Variants in NYAP2 observed in about 807,000 individuals in gnomAD.
NYAP2 encodes neuronal tyrosine-phosphorylated phosphoinositide-3-kinase adapter 2.
In NYAP2, 23 loss-of-function variants were observed where a neutral mutation model predicts 50.4. That is an observed-to-expected ratio of 0.46 (90% confidence interval 0.33 to 0.65). NYAP2 has a LOEUF of 0.65. NYAP2 is among the 30% of genes least tolerant of loss of function. The pLI, the probability that NYAP2 is intolerant of heterozygous loss-of-function variation, is 0.02. For missense variants in NYAP2, 885 were observed against 861.0 expected (o/e 1.03, Z -0.35); for synonymous variants, 394 against 365.2 (o/e 1.08, Z -0.90).
At chr2:225,670,572 T>C in the NYAP2 span, among the ~76,000 whole-genome samples, 2 of 147,356 alleles carry the variant, frequency 1.4e-5, no homozygotes, top group Non-Finnish European at 3.0e-5. Flanking sequence ...CATTAGTTTA[T>C]GTCCTTCCTG....
intron 4 of NYAP2, among the ~76,000 whole-genome samples, chr2:225,561,857 C>T (rs538545410): frequency 7.2e-5 from 11 of 151,800 alleles, no homozygotes; most frequent in African/African-American, 1.9e-4. Flanking sequence ...ATCATGTGCT[C>T]ATCTGGATGG....
chr2:225,538,962 A>C (rs561557677), intron 4 of NYAP2, among the ~76,000 whole-genome samples: 2 of 151,802 alleles, frequency 1.3e-5, no homozygotes, highest in Non-Finnish European at 2.9e-5. Context: ...CGTCATCTAC[A>C]TTAGATATTT....
the NYAP2 span, among the ~76,000 whole-genome samples, chr2:225,693,735 T>C: frequency 6.6e-6 from 1 of 151,986 alleles, no homozygotes; most frequent in Non-Finnish European, 1.5e-5. Context: ...CCCAATCACC[T>C]TGAGGAGGTC....
At chr2:225,437,697 T>C (rs560865260) in intron 3 of NYAP2, among the ~76,000 whole-genome samples, 13 of 152,354 alleles carry the variant, frequency 8.5e-5, no homozygotes, top group African/African-American at 3.1e-4. Flanking sequence ...CAGTGGGCTA[T>C]GTGCTTCACG....
intron 6 of NYAP2, among the ~76,000 whole-genome samples, chr2:225,642,355 A>AT (rs565643695): frequency 8.6e-4 from 131 of 152,272 alleles, no homozygotes; most frequent in African/African-American, 3.0e-3. Flanking sequence ...ATTTCTTGAG[A>AT]TTTTAGTACA....
At chr2:225,511,457 C>T in intron 3 of NYAP2, among the ~76,000 whole-genome samples, 1 of 151,802 alleles carries the variant, frequency 6.6e-6, no homozygotes, top group East Asian at 1.9e-4. Flanking sequence ...CAACACTGCC[C>T]CTTAGCCATC....
chr2:225,656,116 T>C (rs1381391784), downstream of NYAP2, among the ~76,000 whole-genome samples: 1 of 152,186 alleles, frequency 6.6e-6, no homozygotes, highest in Non-Finnish European at 1.5e-5. Flanking sequence ...TGATCATCCT[T>C]GATTTGGGGG....
At position 225,587,557 on chromosome 2, in the gene NYAP2, T is replaced by C. The variant is rs958583553; in HGVS notation, c.1618+4522T>C. Reference sequence around the variant, plus strand: ...TAACAGGACTTGATCCTGCCAGAACTTTTGGAATCTTCCTCATGGTATCCT... The same window carrying C: ...TAACAGGACTTGATCCTGCCAGAACCTTTGGAATCTTCCTCATGGTATCCT... On this transcript the variant is annotated intron_variant, in intron 5 of 6. Transcript: ENST00000636099. Among the ~76,000 whole-genome samples the C allele has an allele frequency of 1.1e-4, 16 of 152,284 alleles. No homozygotes were observed. In the South Asian group the frequency reaches 1.9e-3, roughly 18 times the overall value.
chr2:225,428,599 G>A (rs917464436), intron 3 of NYAP2, among the ~76,000 whole-genome samples: 1 of 152,182 alleles, frequency 6.6e-6, no homozygotes, highest in Admixed American at 6.5e-5. Flanking sequence ...GATTTGGCCT[G>A]CAGTTCATAG....
intron 3 of NYAP2, among the ~76,000 whole-genome samples, chr2:225,474,241 C>T (rs957430074): frequency 3.9e-4 from 59 of 152,162 alleles, no homozygotes; most frequent in African/African-American, 1.2e-3. Context: ...AGTCAGGTAG[C>T]GTGATGCCTC....
At chr2:225,536,737 A>G (rs1294846227) in intron 4 of NYAP2, among the ~76,000 whole-genome samples, 1 of 151,376 alleles carries the variant, frequency 6.6e-6, no homozygotes, top group Non-Finnish European at 1.5e-5. Context: ...TCATCCTATT[A>G]TGCTGTCAAG....
At chr2:225,693,781 C>T in the NYAP2 span, among the ~76,000 whole-genome samples, 1 of 151,952 alleles carries the variant, frequency 6.6e-6, no homozygotes, top group African/African-American at 2.4e-5. Flanking sequence ...AGGTCAGGAT[C>T]CCAACATAAG....
chr2:225,552,759 C>T (rs1464977383), intron 4 of NYAP2, among the ~76,000 whole-genome samples: 2 of 152,168 alleles, frequency 1.3e-5, no homozygotes, highest in African/African-American at 4.8e-5. Context: ...GGCGTGATCT[C>T]GGCTCACAGC....
At chr2:225,675,979 T>C in the NYAP2 span, among the ~76,000 whole-genome samples, 1 of 152,104 alleles carries the variant, frequency 6.6e-6, no homozygotes, top group Non-Finnish European at 1.5e-5. Context: ...TTTGCTTATT[T>C]TTCACTGGGA....
At chr2:225,610,557 T>C (rs954456293) in intron 5 of NYAP2, among the ~76,000 whole-genome samples, 1 of 152,136 alleles carries the variant, frequency 6.6e-6, no homozygotes, top group South Asian at 2.1e-4. Flanking sequence ...TAGAAGGAAA[T>C]AGTAAATACA....
intron 6 of NYAP2, among the ~76,000 whole-genome samples, chr2:225,649,086 G>T (rs1363218261): frequency 6.6e-6 from 1 of 152,162 alleles, no homozygotes; most frequent in Non-Finnish European, 1.5e-5. Context: ...GCACGTACTT[G>T]TGCAAGTGCG....
chr2:225,404,408 A>G (rs1184316355), intron 2 of NYAP2, among the ~76,000 whole-genome samples: 2 of 152,150 alleles, frequency 1.3e-5, no homozygotes, highest in African/African-American at 4.8e-5. Context: ...TGTGTATATA[A>G]TGGGTAGTTT....
intron 4 of NYAP2, among the ~76,000 whole-genome samples, chr2:225,531,236 C>T (rs115580797): frequency 8.3e-4 from 127 of 152,304 alleles, no homozygotes; most frequent in Non-Finnish European, 1.7e-3. Context: ...ACCTAGTTTA[C>T]TCCAGACAAA....
chr2:225,453,177 G>T (rs1490011070), intron 3 of NYAP2, among the ~76,000 whole-genome samples: 4 of 152,088 alleles, frequency 2.6e-5, no homozygotes, highest in Non-Finnish European at 1.5e-5. Flanking sequence ...ATAACAAATA[G>T]AACTATGATT....
Sources: gnomAD v4.1 joint callset for allele counts (sites outside exome capture counted in the v4.1 genomes callset) on GRCh38, gnomAD v4.1.1 for gene constraint, MANE v1.5 for transcripts, NCBI Gene and HGNC (gene_info 2026-07-23, HGNC 2026-07-21) for gene names.